RYR3: variants seen among roughly 807,000 people sequenced by gnomAD.
RYR3 encodes the protein ryanodine receptor 3.
RYR3 carries 207 observed loss-of-function variants against 584.3 expected under a neutral mutation model. That is an observed-to-expected ratio of 0.35 (90% CI 0.32 to 0.40). The LOEUF (loss-of-function observed/expected upper bound fraction) is 0.40, where lower values mean the gene tolerates loss of function less well. Among genes scored for constraint, RYR3 ranks in the 10% least tolerant of loss-of-function variants. The pLI, the probability that RYR3 is intolerant of heterozygous loss-of-function variation, is 1.00. For missense variants in RYR3, 5,616 were observed against 6,089.2 expected, an observed-to-expected ratio of 0.92 and a Z score of 2.59; for synonymous variants, 2,416 against 2,248.5, an observed-to-expected ratio of 1.07 and a Z score of -2.11.
intron 88 of RYR3, 55 bp from the exon 89 acceptor site, chr15:33,837,576 A>G (rs2078124512): frequency 4.7e-6 from 7 of 1,481,814 alleles, no homozygotes; most frequent in East Asian, 4.8e-5. Flanking sequence ...GACAAGTGAC[A>G]TGATAGCTTG....
rs778791132 is a variant in RYR3 at position 33,810,111 on chromosome 15, TC to T, written c.10027-363del. Among the ~76,000 whole-genome samples, 16 of 152,290 alleles carry T rather than the reference TC, an allele frequency of 1.1e-4. 1 individual carries two copies. The East Asian group carries it at 1.3e-3, about 13-fold the overall frequency. Reference sequence around the variant, plus strand: ...GGATACTCTTTCATATTTTTAGTGATCCCCCAGCATCAGAATTCTCAGAACT... The same window carrying T: ...GGATACTCTTTCATATTTTTAGTGATCCCCAGCATCAGAATTCTCAGAACT... On this transcript the variant is annotated intron_variant, in intron 70 of 103. Transcript: ENST00000634891.
At chr15:33,555,109 T>G (rs1392478926) in intron 10 of RYR3, among the ~76,000 whole-genome samples, 1 of 152,236 alleles carries the variant, frequency 6.6e-6, no homozygotes, top group East Asian at 1.9e-4. Flanking sequence ...AAATTCAGTT[T>G]AGTAAACATT....
chr15:33,645,036 A>T (rs1247309567), intron 28 of RYR3, among the ~76,000 whole-genome samples: 1 of 152,094 alleles, frequency 6.6e-6, no homozygotes, highest in Non-Finnish European at 1.5e-5. Flanking sequence ...TTTATTAAAA[A>T]AAAATTTAAA....
intron 1 of RYR3, among the ~76,000 whole-genome samples, chr15:33,456,339 C>T (rs1169855062): frequency 6.6e-6 from 1 of 152,180 alleles, no homozygotes; most frequent in Non-Finnish European, 1.5e-5. Context: ...TTAATGGACA[C>T]TGACTGTTTG....
intron 43 of RYR3, among the ~76,000 whole-genome samples, chr15:33,709,713 G>A (rs1027641231): frequency 6.6e-6 from 1 of 152,190 alleles, no homozygotes; most frequent in African/African-American, 2.4e-5. Flanking sequence ...GGACTTCTCA[G>A]CCTCCAGAAT....
chr15:33,694,134 A>T (rs1402872113), intron 38 of RYR3, among the ~76,000 whole-genome samples: 1 of 151,358 alleles, frequency 6.6e-6, no homozygotes, highest in Non-Finnish European at 1.5e-5. Context: ...CCATGAAGCC[A>T]GGCACTATCA....
In RYR3 at chr15:33,865,295, G is replaced by A. The variant is rs1890132090; in HGVS notation, c.*69G>A. Reference sequence around the variant, plus strand: ...CATGAAATAAAGTCCCCTTTTTACAGTTCTGCAACATATCTGAAATGTGAC... The same window carrying A: ...CATGAAATAAAGTCCCCTTTTTACAATTCTGCAACATATCTGAAATGTGAC... On this transcript the variant is annotated 3_prime_UTR_variant, in exon 104 of 104. Coordinates refer to ENST00000634891, the MANE Select transcript of RYR3 (RefSeq NM_001036.6). The A allele has an allele frequency of 9.6e-7, 1 of 1,046,758 alleles. No individual in the cohort carries two copies. Among genetic ancestry groups the A allele is most frequent in the South Asian group, 1.4e-5 (1 of 70,008 alleles). 64.8% of individuals were successfully genotyped at this position (1,046,758 alleles called of 1,614,324 possible).
intron 44 of RYR3, among the ~76,000 whole-genome samples, chr15:33,723,344 TG>T (rs1256217636): frequency 6.6e-6 from 1 of 150,688 alleles, no homozygotes; most frequent in Admixed American, 6.6e-5. Context: ...TGTTTCGATT[TG>T]ACTTCTAAAA....
At chr15:33,474,679 A>G (rs2049222499) in intron 2 of RYR3, among the ~76,000 whole-genome samples, 1 of 152,206 alleles carries the variant, frequency 6.6e-6, no homozygotes, top group Admixed American at 6.5e-5. Flanking sequence ...AGTTTTTCTC[A>G]CAGAACCTTT....
chr15:33,759,830 A>G (rs1013725837), intron 60 of RYR3, among the ~76,000 whole-genome samples: 1 of 152,216 alleles, frequency 6.6e-6, no homozygotes, highest in African/African-American at 2.4e-5. Context: ...AGCAACCCCA[A>G]GGAAATCATC....
At chr15:33,822,196 A>G (rs921853029) in intron 80 of RYR3, among the ~76,000 whole-genome samples, 7 of 152,214 alleles carry the variant, frequency 4.6e-5, no homozygotes, top group South Asian at 2.1e-4. Flanking sequence ...TACCTGACAC[A>G]TGGTATTTCT....
At chr15:33,787,861 A>G (rs1442146525) in intron 66 of RYR3, among the ~76,000 whole-genome samples, 1 of 152,256 alleles carries the variant, frequency 6.6e-6, no homozygotes, top group African/African-American at 2.4e-5. Flanking sequence ...ACAATCTGCT[A>G]GTGAGCCGAA....
chr15:33,464,517 C>CAT, intron 1 of RYR3, among the ~76,000 whole-genome samples: 1 of 129,158 alleles, frequency 7.7e-6, no homozygotes, highest in Non-Finnish European at 1.7e-5. Context: ...TACACATACA[C>CAT]ATATATGTAC....
At chr15:33,529,473 C>T (rs2572200) in intron 3 of RYR3, among the ~76,000 whole-genome samples, 3 of 152,000 alleles carry the variant, frequency 2.0e-5, no homozygotes, top group South Asian at 2.1e-4. Context: ...ACACGGGAGA[C>T]GGGCAGAGCC....
chr15:33,668,161 A>G (rs552382480), intron 36 of RYR3, among the ~76,000 whole-genome samples: 1 of 150,804 alleles, frequency 6.6e-6, no homozygotes, highest in African/African-American at 2.4e-5. Context: ...CAAAAAAAAA[A>G]AAGAAATCAG....
intron 10 of RYR3, among the ~76,000 whole-genome samples, chr15:33,551,022 A>G (rs2056636449): frequency 6.6e-6 from 1 of 152,190 alleles, no homozygotes. Context: ...GTATGTAGAC[A>G]ACTATTCTTT....
chr15:33,659,706 G>T lies in RYR3; in HGVS notation c.4309-14G>T. ...CAGCTCTGGGCAAAGCTTTCGATTTGTTTTGATTTCCAGGTGGAGCCTAAT... is the reference window on the plus strand; with the variant it reads ...CAGCTCTGGGCAAAGCTTTCGATTTTTTTTGATTTCCAGGTGGAGCCTAAT... On this transcript the variant is annotated splice_polypyrimidine_tract_variant and intron_variant, in intron 32 of 103. Transcript: ENST00000634891. The T allele has an allele frequency of 6.3e-7, 1 of 1,581,324 alleles. No individual in the cohort carries two copies. Among genetic ancestry groups the T allele is most frequent in the Non-Finnish European group, 8.7e-7 (1 of 1,150,410 alleles).
At chr15:33,345,923 C>T (rs1043529931) in intron 1 of RYR3, among the ~76,000 whole-genome samples, 2 of 152,114 alleles carry the variant, frequency 1.3e-5, no homozygotes, top group South Asian at 2.1e-4. Context: ...TATTAACATG[C>T]GCCATTTCTT....
At chr15:33,585,096 A>G (rs2058780975) in intron 15 of RYR3, among the ~76,000 whole-genome samples, 1 of 152,022 alleles carries the variant, frequency 6.6e-6, no homozygotes, top group Admixed American at 6.6e-5. Context: ...CATGGCAGGT[A>G]TACGCCCCTC....
Sources: gnomAD v4.1 joint callset for allele counts (sites outside exome capture counted in the v4.1 genomes callset) on GRCh38, gnomAD v4.1.1 for gene constraint, MANE v1.5 for transcripts, NCBI Gene and HGNC (gene_info 2026-07-23, HGNC 2026-07-21) for gene names.